The following EBAG9 variants were observed in gnomAD, a reference collection of about 807,000 sequenced individuals.
EBAG9 encodes estrogen receptor binding site associated antigen 9.
EBAG9 carries 16 observed loss-of-function variants against 30.9 expected under a neutral mutation model. The observed-to-expected ratio is 0.52, with a 90% confidence interval of 0.35 to 0.79. EBAG9 has a LOEUF of 0.79. Ranked by LOEUF, EBAG9 falls within the 30% of genes least tolerant of loss-of-function variation. EBAG9 has a pLI of 0.01. For synonymous variants in EBAG9, 93 were observed against 82.8 expected (o/e 1.12, Z -0.67); for missense variants, 197 against 242.1 (o/e 0.81, Z 1.24).
At chr8:109,549,976 A>G (rs758220582) in intron 1 of EBAG9, among the ~76,000 whole-genome samples, 12 of 151,998 alleles carry the variant, frequency 7.9e-5, no homozygotes, top group Non-Finnish European at 1.2e-4. Context: ...CATTGGCAAC[A>G]TGGAGTGGGG....
At chr8:109,551,338 A>T (rs560095097) in intron 2 of EBAG9, among the ~76,000 whole-genome samples, 100 of 151,376 alleles carry the variant, frequency 6.6e-4, no homozygotes, top group Middle Eastern at 3.4e-3. Context: ...AAAAAAAAAA[A>T]TTTTTTTTTC....
At chr8:109,556,350 A>G (rs535987045) in intron 4 of EBAG9, among the ~76,000 whole-genome samples, 11 of 152,186 alleles carry the variant, frequency 7.2e-5, no homozygotes, top group Admixed American at 2.0e-4. Flanking sequence ...AAATGTCTCA[A>G]TGCTAAAACA....
Position 109,565,462 on chromosome 8 carries a change from C to CATAA in EBAG9, c.*903_*904insATAA, listed in dbSNP as rs1426650388. ...TTCTGTACTAGCTTTAGATGTCTGA[C>CATAA]GTTATGTAGGTTACCTGTGTTCTTG... On this transcript the variant is annotated 3_prime_UTR_variant, in exon 7 of 7. Transcript: ENST00000337573. 2.6e-5 allele frequency: 4 copies of CATAA among 151,964 alleles called. No homozygotes were observed. Among genetic ancestry groups the CATAA allele is most frequent in the Admixed American group, 2.6e-4 (4 of 15,250 alleles). 9.4% of individuals were successfully genotyped at this position (151,964 alleles called of 1,614,324 possible). A position where few individuals can be genotyped will look rare whatever the true frequency, so the allele number is the denominator to read the frequency against.
chr8:109,553,655 T>A (rs1821537976), intron 2 of EBAG9, among the ~76,000 whole-genome samples: 2 of 152,226 alleles, frequency 1.3e-5, no homozygotes, highest in Non-Finnish European at 2.9e-5. Context: ...AGCAGTTATG[T>A]TGTTCTGTCC....
Position 109,554,731 on chromosome 8 carries a change from A to C in EBAG9, c.165A>C (p.Thr55=). Residue 55 remains threonine (T), a splice_region_variant and synonymous_variant, in exon 4 of 7, where the codon ACA becomes ACC. Transcript: ENST00000337573. ...TAATGTTGATCAATTAAATTTAGAC[A>C]GATGTTGAAGAGTGGACTTCCTGGG... is the stretch of plus-strand genomic sequence containing the variant. ...TVDYSSVPKQ[T]DVEEWTSWDE... The C allele has an allele frequency of 6.2e-7, 1 of 1,612,074 alleles. No homozygotes were observed. The highest frequency in any genetic ancestry group is 8.5e-7 in the Non-Finnish European group (1 of 1,178,990).
At chr8:109,551,528 A>G (rs1821494396) in intron 2 of EBAG9, among the ~76,000 whole-genome samples, 1 of 152,186 alleles carries the variant, frequency 6.6e-6, no homozygotes, top group South Asian at 2.1e-4. Flanking sequence ...CAGGGATGCC[A>G]TAGAATATTT....
In EBAG9 at chr8:109,563,509, T is replaced by A. The variant is rs962860879; in HGVS notation, c.522-930T>A. ...GATAGAGAGAGTGAGTCTGGGTCAG[T>A]GGAGTTACGGAAAGAGTAAGGAACA... is the stretch of plus-strand genomic sequence containing the variant. On this transcript the variant is annotated intron_variant, in intron 6 of 6. Transcript: ENST00000337573. 1.9e-6 allele frequency: 3 copies of A among 1,596,822 alleles called. No individual in the cohort carries two copies. In the African/African-American group the frequency reaches 4.0e-5, roughly 21 times the overall value.
In EBAG9 at chr8:109,564,907, ACTGT is replaced by A. The variant is rs553665716; in HGVS notation, c.*353_*356del. 7.3e-3 allele frequency: 1,170 copies of A among 160,226 alleles called. 5 individuals carry two copies. The highest frequency in any genetic ancestry group is 0.015 in the Middle Eastern group (5 of 342). The allele number at this position is 160,226 out of a possible 1,614,324, so 9.9% of individuals were successfully genotyped here. On this transcript the variant is annotated 3_prime_UTR_variant, in exon 7 of 7. Coordinates refer to ENST00000337573, the MANE Select transcript of EBAG9 (RefSeq NM_004215.5). ...TAATTTTATGGTGGAAAAGAACTGTACTGTCTGTTATGATTTCCTTCAATGTGCA... is the reference window on the plus strand; with the variant it reads ...TAATTTTATGGTGGAAAAGAACTGTACTGTTATGATTTCCTTCAATGTGCA...
At position 109,548,047 on chromosome 8, in the gene EBAG9, C is replaced by T. The variant is rs112464636; in HGVS notation, c.-15-2763C>T. 2.3e-3 allele frequency among the ~76,000 whole-genome samples: 349 copies of T among 151,802 alleles called. 1 individual carries two copies. The highest frequency in any genetic ancestry group is 8.2e-3 in the African/African-American group (340 of 41,426). ...ATGGATTGTGCTTTTGTTGTACTAC[C>T]TAAAAATCTTTGCCTAACCCAGGGT... On this transcript the variant is annotated intron_variant, in intron 1 of 6. Transcript: ENST00000337573.
Position 109,540,460 on chromosome 8 carries a change from G to T in EBAG9, c.-17G>T, listed in dbSNP as rs370648309. 6.6e-6 allele frequency: 1 copy of T among 152,192 alleles called. No homozygotes were observed. Among genetic ancestry groups the T allele is most frequent in the Non-Finnish European group, 1.5e-5 (1 of 68,046 alleles). The allele number at this position is 152,192 out of a possible 1,614,324, so 9.4% of individuals were successfully genotyped here. On this transcript the variant is annotated splice_region_variant and 5_prime_UTR_variant, in exon 1 of 7. Coordinates refer to ENST00000337573, the MANE Select transcript of EBAG9 (RefSeq NM_004215.5). ...CTCCTGTTTTTCTCATCTGTGCAGT[G>T]GGTATGATTTTTTTTTCATCAACAA...
intron 5 of EBAG9, among the ~76,000 whole-genome samples, chr8:109,558,871 T>C (rs1821656891): frequency 1.3e-5 from 2 of 152,218 alleles, no homozygotes; most frequent in South Asian, 4.1e-4. Flanking sequence ...TTTTATACTT[T>C]TTTAGTTTGT....
chr8:109,544,851 T>TA (rs1563652540), intron 1 of EBAG9, among the ~76,000 whole-genome samples: 1 of 152,228 alleles, frequency 6.6e-6, no homozygotes, highest in Non-Finnish European at 1.5e-5. Context: ...TTGTCATAGT[T>TA]ACTTAAGTTT....
intron 6 of EBAG9, 95 bp downstream of exon 6, chr8:109,561,024 T>C (rs1821700743): frequency 1.0e-6 from 1 of 996,652 alleles, no homozygotes. Flanking sequence ...TGCCAAATAT[T>C]ATATTTTTCT....
intron 5 of EBAG9, among the ~76,000 whole-genome samples, chr8:109,558,209 T>C (rs928525472): frequency 6.6e-6 from 1 of 152,226 alleles, no homozygotes; most frequent in Non-Finnish European, 1.5e-5. Context: ...TGTATATGTA[T>C]GTTTTTAATT....
At chr8:109,554,319 C>T (rs1821553444) in intron 3 of EBAG9, among the ~76,000 whole-genome samples, 1 of 152,090 alleles carries the variant, frequency 6.6e-6, no homozygotes, top group African/African-American at 2.4e-5. Flanking sequence ...GTTTCATGAA[C>T]ATTTTGAATA....
chr8:109,554,206 G>C (rs1821551395), intron 3 of EBAG9, among the ~76,000 whole-genome samples: 1 of 152,112 alleles, frequency 6.6e-6, no homozygotes, highest in African/African-American at 2.4e-5. Context: ...CTATTTTAAA[G>C]CCTTAGAGAA....
At chr8:109,542,170 C>T (rs1821290154) in intron 1 of EBAG9, among the ~76,000 whole-genome samples, 1 of 152,014 alleles carries the variant, frequency 6.6e-6, no homozygotes, top group African/African-American at 2.4e-5. Context: ...CAATGAGTAT[C>T]AGTTCTCCTC....
chr8:109,563,253 T>C, intron 6 of EBAG9: 1 of 835,832 alleles, frequency 1.2e-6, no homozygotes. Context: ...GTAGTTAATA[T>C]TGAGCTCCCC....
chr8:109,545,227 C>G (rs1415043379), intron 1 of EBAG9, among the ~76,000 whole-genome samples: 1 of 140,276 alleles, frequency 7.1e-6, no homozygotes, highest in Non-Finnish European at 1.5e-5. Flanking sequence ...GAGGCTGAGA[C>G]AGGAGAATTG....
Sources: gnomAD v4.1 joint callset for allele counts (sites outside exome capture counted in the v4.1 genomes callset) on GRCh38, gnomAD v4.1.1 for gene constraint, MANE v1.5 for transcripts, NCBI Gene and HGNC (gene_info 2026-07-23, HGNC 2026-07-21) for gene names.